The following OTOP1 variants were observed in gnomAD, a reference collection of about 807,000 sequenced individuals.
The protein encoded by OTOP1 is proton channel OTOP1.
A neutral mutation model predicts 52.9 loss-of-function variants in OTOP1; 59 were observed. The observed-to-expected ratio is 1.12, with a 90% CI of 0.91 to 1.39. The LOEUF (loss-of-function observed/expected upper bound fraction) is 1.39. Among genes scored for constraint, OTOP1 ranks in the 40% most tolerant of loss-of-function variants. The pLI is 0.00. For missense variants in OTOP1, 761 were observed against 800.9 expected (o/e 0.95, Z 0.60); for synonymous variants, 317 against 337.7 (o/e 0.94, Z 0.67).
In OTOP1 at chr4:4,197,772, G is replaced by A; in HGVS notation, c.1062C>T (p.Ala354=). 1 of 1,614,008 alleles carries A rather than the reference G, an allele frequency of 6.2e-7. No homozygotes were observed. Among genetic ancestry groups the A allele is most frequent in the Non-Finnish European group, 8.5e-7 (1 of 1,180,010 alleles). Residue 354 remains alanine (A), a synonymous_variant, in exon 5 of 6, where the codon GCC becomes GCT. Coordinates refer to ENST00000296358, the MANE Select transcript of OTOP1 (RefSeq NM_177998.3). ...ESALIMFYLY[A]ITLLMLMGAA... is the part of the protein sequence containing the mutation. ...CCCCCATAAGCATCAGCAGGGTGAT[G>A]GCATACAGGTAGAACATGATGAGTG...
intron 1 of OTOP1, among the ~76,000 whole-genome samples, chr4:4,221,042 T>C (rs1306886819): frequency 9.2e-5 from 13 of 141,204 alleles, no homozygotes; most frequent in Admixed American, 7.2e-5. Context: ...ATTATTTTAT[T>C]CTATTTTATT....
At chr4:4,198,215 AT>A in intron 4 of OTOP1, 112 bp from the exon 5 acceptor site, 1 of 826,658 alleles carries the variant, frequency 1.2e-6, no homozygotes, top group Non-Finnish European at 1.9e-6. Flanking sequence ...TTCCCACTGG[AT>A]TATGAGCTTT....
intron 1 of OTOP1, among the ~76,000 whole-genome samples, chr4:4,225,177 C>T (rs532581322): frequency 7.2e-4 from 110 of 152,314 alleles, no homozygotes; most frequent in African/African-American, 2.6e-3. Flanking sequence ...ATGCACTTGG[C>T]CTCTCCTGGG....
chr4:4,221,076 T>C (rs1717291864), intron 1 of OTOP1, among the ~76,000 whole-genome samples: 4 of 148,910 alleles, frequency 2.7e-5, no homozygotes, highest in Admixed American at 1.3e-4. Flanking sequence ...TTTTATTTTA[T>C]TTTATTTTAT....
rs111609471 is a variant in OTOP1 at position 4,217,651 on chromosome 4, T to C, written c.404-4647A>G. Among the ~76,000 whole-genome samples the C allele has an allele frequency of 6.3e-3, 962 of 152,014 alleles. 13 individuals are homozygous for C. Among genetic ancestry groups the C allele is most frequent in the African/African-American group, 0.022 (907 of 41,406 alleles). ...AAAATAAACCAGTAAATAGTAAACATATAAAGAATGTCAGGAAGTGCTAAG... is the reference window on the plus strand; with the variant it reads ...AAAATAAACCAGTAAATAGTAAACACATAAAGAATGTCAGGAAGTGCTAAG... On this transcript the variant is annotated intron_variant, in intron 1 of 5. Transcript: ENST00000296358.
At chr4:4,211,564 T>C (rs752384793) in intron 2 of OTOP1, among the ~76,000 whole-genome samples, 6 of 152,192 alleles carry the variant, frequency 3.9e-5, no homozygotes, top group African/African-American at 7.2e-5. Context: ...ATCTCACTTA[T>C]ATGTGGTATT....
chr4:4,196,987 A>C (rs2108796721), intron 5 of OTOP1, among the ~76,000 whole-genome samples, 179 bp downstream of exon 5: 1 of 152,300 alleles, frequency 6.6e-6, no homozygotes, highest in South Asian at 2.1e-4. Flanking sequence ...AGCGGGGTGC[A>C]GGGTGAAAAA....
intron 1 of OTOP1, among the ~76,000 whole-genome samples, chr4:4,224,474 A>G (rs1334016734): frequency 1.3e-5 from 2 of 152,132 alleles, no homozygotes; most frequent in Non-Finnish European, 2.9e-5. Context: ...GAGGAGAGAA[A>G]GAAGGAACAA....
rs561379149 is a variant in OTOP1, at chr4:4,202,666, T to C, written c.600-88A>G. 1.9e-5 allele frequency: 28 copies of C among 1,499,716 alleles called. 1 individual carries two copies. The East Asian group carries it at 4.9e-4, about 26-fold the overall frequency. 92.9% of individuals were successfully genotyped at this position (1,499,716 alleles called of 1,614,324 possible). A position where few individuals can be genotyped will look rare whatever the true frequency, so the allele number is the denominator to read the frequency against. On this transcript the variant is annotated intron_variant, in intron 3 of 5. Coordinates refer to ENST00000296358, the MANE Select transcript of OTOP1 (RefSeq NM_177998.3). Reference sequence around the variant, plus strand: ...AGACAGACGTGTGCACACAAATACATGGCTCCTTCTCAGCCATGATTCTGG... The same window carrying C: ...AGACAGACGTGTGCACACAAATACACGGCTCCTTCTCAGCCATGATTCTGG...
chr4:4,198,061 G>C lies in OTOP1; in HGVS notation c.773C>G (p.Thr258Ser), dbSNP rs746006251. The change falls in exon 5 of 6, where the codon ACT becomes AGT. Residue 258 changes from threonine (T) to serine (S), a missense_variant. Coordinates refer to ENST00000296358, the MANE Select transcript of OTOP1 (RefSeq NM_177998.3). Reference sequence around the variant, plus strand: ...CCCGTGGGAGATGGCAGTGCACAGAGTTGGGGGCGTGCAGTTACACTGCGG... The same window carrying C: ...CCCGTGGGAGATGGCAGTGCACAGACTTGGGGGCGTGCAGTTACACTGCGG... ...HTPQCNCTPP[T>S]LCTAISHGIY... is the part of the protein sequence containing the mutation. 1 of 1,614,176 alleles carries C rather than the reference G, an allele frequency of 6.2e-7. No homozygotes were observed. Among genetic ancestry groups the C allele is most frequent in the African/African-American group, 1.3e-5 (1 of 75,042 alleles).
intron 1 of OTOP1, among the ~76,000 whole-genome samples, chr4:4,221,373 T>C (rs1717297843): frequency 6.6e-6 from 1 of 152,132 alleles, no homozygotes; most frequent in African/African-American, 2.4e-5. Flanking sequence ...TAGTGAGCTA[T>C]AATCACACCA....
At chr4:4,217,457 A>C (rs1445879290) in intron 1 of OTOP1, among the ~76,000 whole-genome samples, 1 of 152,234 alleles carries the variant, frequency 6.6e-6, no homozygotes, top group Non-Finnish European at 1.5e-5. Context: ...CCCGCGTGTC[A>C]GGGCAAAAGG....
chr4:4,218,088 T>C (rs1971118), intron 1 of OTOP1, among the ~76,000 whole-genome samples: 9,700 of 152,158 alleles, frequency 0.064, 1,012 homozygotes, highest in African/African-American at 0.22. Context: ...CTATTAACTA[T>C]CTCTACAAAA....
At position 4,197,883 on chromosome 4, in the gene OTOP1, C is replaced by G. The variant is rs1214574990; in HGVS notation, c.951G>C (p.Leu317=). The G allele has an allele frequency of 6.2e-7, 1 of 1,614,052 alleles. No homozygotes were observed. The highest frequency in any genetic ancestry group is 8.5e-7 in the Non-Finnish European group (1 of 1,180,020). The change falls in exon 5 of 6, where the codon CTG becomes CTC. Residue 317 remains leucine (L), a synonymous_variant. Coordinates refer to ENST00000296358, the MANE Select transcript of OTOP1 (RefSeq NM_177998.3). The part of the protein sequence containing the change: ...KSDGVMVGAV[L]GLTVLAATIA... The stretch of plus-strand genomic sequence containing the variant: ...TGGTGGCGGCCAGCACGGTCAGGCC[C>G]AGGACTGCGCCCACCATGACCCCAT...
At chr4:4,194,099 G>A (rs1716571207) in intron 5 of OTOP1, among the ~76,000 whole-genome samples, 1 of 152,154 alleles carries the variant, frequency 6.6e-6, no homozygotes, top group Non-Finnish European at 1.5e-5. Context: ...TGAGGCAGGA[G>A]AATCACTTGA....
At position 4,198,092 on chromosome 4, in the gene OTOP1, G is replaced by A. The variant is rs753385035; in HGVS notation, c.742C>T (p.His248Tyr). 1.6e-5 allele frequency: 25 copies of A among 1,612,714 alleles called. No individual in the cohort carries two copies. The highest frequency in any genetic ancestry group is 2.0e-5 in the Non-Finnish European group (24 of 1,178,918). The change falls in exon 5 of 6, where the codon CAC becomes TAC. Residue 248 changes from histidine (H) to tyrosine (Y), a missense_variant. Transcript: ENST00000296358. ...GGCGTGCAGTTACACTGCGGTGTGT[G>A]GTCATCTAAAACTAGGGGAGACAGG... ...FGNITTVLDD[H>Y]TPQCNCTPPT...
intron 2 of OTOP1, among the ~76,000 whole-genome samples, chr4:4,209,458 T>A (rs1439383059): frequency 6.6e-6 from 1 of 152,184 alleles, no homozygotes; most frequent in African/African-American, 2.4e-5. Flanking sequence ...ATTAGAAAGC[T>A]AGGATCTCCA....
In OTOP1 at chr4:4,202,505, G is replaced by T; in HGVS notation, c.673C>A (p.Gln225Lys). Reference sequence around the variant, plus strand: ...AGCCGTTCCTTGTGCTCATTGAGTTGGTGCTTTGACTCATTGAGGACGCCA... The same window carrying T: ...AGCCGTTCCTTGTGCTCATTGAGTTTGTGCTTTGACTCATTGAGGACGCCA... ...ANGVLNESKH[Q>K]LNEHKERLIT... The change falls in exon 4 of 6, where the codon CAA (glutamine) becomes AAA (lysine). Residue 225 changes from glutamine (Q) to lysine (K), a missense_variant. Gln to Lys is a moderately conservative substitution (Grantham distance 53). This residue lies in a region of OTOP1 where 632 missense variants were observed against 619.5 expected (regional missense o/e 1.02). Transcript: ENST00000296358. 6.2e-7 allele frequency: 1 copy of T among 1,614,076 alleles called. No homozygotes were observed. The highest frequency in any genetic ancestry group is 1.7e-4 in the Middle Eastern group (1 of 6,060).
intron 3 of OTOP1, among the ~76,000 whole-genome samples, chr4:4,204,712 CTGTGTGTG>C (rs10526016): frequency 2.7e-4 from 40 of 150,000 alleles, no homozygotes; most frequent in East Asian, 1.2e-3. Flanking sequence ...TTTCCTTCAT[CTGTGTGTG>C]TGTGTGTGTG....
Sources: gnomAD v4.1 joint callset for allele counts (sites outside exome capture counted in the v4.1 genomes callset) on GRCh38, gnomAD v4.1.1 for gene constraint, gnomAD v4.1.1 regional missense constraint, MANE v1.5 for transcripts, NCBI Gene and HGNC (gene_info 2026-07-23, HGNC 2026-07-21) for gene names.